CCSER1: variants seen among roughly 807,000 people sequenced by gnomAD.
CCSER1 encodes serine-rich coiled-coil domain-containing protein 1.
A neutral mutation model predicts 82.0 loss-of-function variants in CCSER1; 41 were observed. That is an observed-to-expected ratio of 0.50 (90% CI 0.39 to 0.65). CCSER1 has a LOEUF of 0.65. Ranked by LOEUF, CCSER1 falls within the 30% of genes least tolerant of loss-of-function variation. The pLI is 0.00. For synonymous variants in CCSER1, 414 were observed against 383.9 expected, an observed-to-expected ratio of 1.08 and a Z score of -0.92; for missense variants, 1,119 against 1,064.2, an observed-to-expected ratio of 1.05 and a Z score of -0.72.
intron 9 of CCSER1, among the ~76,000 whole-genome samples, chr4:91,080,004 T>A (rs964319055): frequency 6.6e-5 from 10 of 152,182 alleles, no homozygotes; most frequent in African/African-American, 2.2e-4. Context: ...ATTAGACAGA[T>A]CAACAAGACA....
chr4:90,689,673 T>C (rs960469173), intron 6 of CCSER1, among the ~76,000 whole-genome samples: 1 of 151,934 alleles, frequency 6.6e-6, no homozygotes, highest in Non-Finnish European at 1.5e-5. Flanking sequence ...AAGTGACTTA[T>C]TAAGTAAGTG....
intron 6 of CCSER1, among the ~76,000 whole-genome samples, chr4:90,719,609 G>C (rs1430705847): frequency 6.6e-6 from 1 of 152,008 alleles, no homozygotes; most frequent in Non-Finnish European, 1.5e-5. Flanking sequence ...CACTGATTAG[G>C]TTTTTGCAGA....
chr4:91,330,703 G>A (rs1485673991), intron 10 of CCSER1, among the ~76,000 whole-genome samples: 1 of 152,106 alleles, frequency 6.6e-6, no homozygotes, highest in African/African-American at 2.4e-5. Context: ...AGAAGTAGTG[G>A]CTCAGCTTTT....
At chr4:90,529,955 T>A (rs905570729) in intron 5 of CCSER1, among the ~76,000 whole-genome samples, 77 of 139,596 alleles carry the variant, frequency 5.5e-4, no homozygotes, top group African/African-American at 1.8e-3. Context: ...ATATATATTT[T>A]TTTTTTCTCT....
At chr4:90,993,585 A>G (rs2150453819) in intron 9 of CCSER1, among the ~76,000 whole-genome samples, 1 of 152,212 alleles carries the variant, frequency 6.6e-6, no homozygotes, top group East Asian at 1.9e-4. Context: ...TTAAACAACA[A>G]ACATTTAATT....
Position 91,346,407 on chromosome 4 carries a change from C to T in CCSER1, c.2218-252165C>T, listed in dbSNP as rs78391191. ...TATTCAAGGGTATCTTGGATGGTTC[C>T]GAATTATGGCAATTGTGATTAAAAC... On this transcript the variant is annotated intron_variant, in intron 10 of 10. Transcript: ENST00000509176. Among the ~76,000 whole-genome samples the T allele has an allele frequency of 7.8e-3, 1,181 of 152,094 alleles. 43 individuals are homozygous for T. The highest frequency in any genetic ancestry group is 0.064 in the Admixed American group (974 of 15,270).
At chr4:91,520,552 G>A (rs1021170454) in intron 10 of CCSER1, among the ~76,000 whole-genome samples, 21 of 152,064 alleles carry the variant, frequency 1.4e-4, no homozygotes, top group African/African-American at 5.1e-4. Flanking sequence ...AAAAGAAAAG[G>A]TTTTAAGCAA....
At chr4:90,210,222 G>A (rs1217135740) in intron 1 of CCSER1, among the ~76,000 whole-genome samples, 1 of 152,106 alleles carries the variant, frequency 6.6e-6, no homozygotes, top group Non-Finnish European at 1.5e-5. Context: ...GCAAGTGGTT[G>A]TTGCTATGAT....
chr4:90,369,432 G>T (rs1378090625), intron 3 of CCSER1, among the ~76,000 whole-genome samples: 1 of 128,152 alleles, frequency 7.8e-6, no homozygotes, highest in African/African-American at 3.2e-5. Context: ...GGAGCACAGA[G>T]GTATAAAAAA....
chr4:91,054,340 T>G (rs898541689), intron 9 of CCSER1, among the ~76,000 whole-genome samples: 4 of 152,174 alleles, frequency 2.6e-5, no homozygotes, highest in African/African-American at 7.2e-5. Flanking sequence ...TTTTGTTAAA[T>G]CAACATCTTT....
chr4:90,208,874 C>T (rs753696395), intron 1 of CCSER1, among the ~76,000 whole-genome samples: 36 of 152,170 alleles, frequency 2.4e-4, no homozygotes, highest in Non-Finnish European at 8.8e-5. Flanking sequence ...CCAGGTACTT[C>T]AGGTGGAAAT....
chr4:90,557,329 G>A (rs868394281), intron 5 of CCSER1, among the ~76,000 whole-genome samples: 1 of 152,142 alleles, frequency 6.6e-6, no homozygotes, highest in Middle Eastern at 3.4e-3. Flanking sequence ...GTAAATATCA[G>A]CAGTCTTTGG....
At chr4:91,584,142 C>T (rs1268738161) in intron 10 of CCSER1, among the ~76,000 whole-genome samples, 1 of 151,474 alleles carries the variant, frequency 6.6e-6, no homozygotes, top group Non-Finnish European at 1.5e-5. Context: ...CAACAAATAA[C>T]TACTAAATGC....
intron 4 of CCSER1, among the ~76,000 whole-genome samples, chr4:90,448,930 G>C (rs536445006): frequency 1.3e-5 from 2 of 152,236 alleles, no homozygotes; most frequent in East Asian, 1.9e-4. Flanking sequence ...GGAAGAATGA[G>C]GTATGCAGAC....
intron 1 of CCSER1, among the ~76,000 whole-genome samples, chr4:90,139,705 C>A (rs182009192): frequency 6.6e-6 from 1 of 152,084 alleles, no homozygotes; most frequent in Non-Finnish European, 1.5e-5. Context: ...GTAATCCTAG[C>A]ACTTTGGAAG....
chr4:91,514,363 C>T (rs1759986697), intron 10 of CCSER1, among the ~76,000 whole-genome samples: 1 of 151,984 alleles, frequency 6.6e-6, no homozygotes, highest in Admixed American at 6.6e-5. Context: ...GAGACTTGCT[C>T]TATGGTTATG....
chr4:90,489,087 G>T (rs987601695), intron 5 of CCSER1, among the ~76,000 whole-genome samples: 2 of 152,110 alleles, frequency 1.3e-5, no homozygotes, highest in African/African-American at 4.8e-5. Flanking sequence ...AATACTATGG[G>T]TAGACAGTTT....
At chr4:91,209,253 ATT>A (rs1736598459) in intron 10 of CCSER1, among the ~76,000 whole-genome samples, 1 of 151,846 alleles carries the variant, frequency 6.6e-6, no homozygotes, top group Non-Finnish European at 1.5e-5. Flanking sequence ...TACTACATTG[ATT>A]AGGAGTGGTG....
intron 5 of CCSER1, among the ~76,000 whole-genome samples, chr4:90,471,820 C>CA (rs1288717152): frequency 6.6e-6 from 1 of 151,826 alleles, no homozygotes; most frequent in African/African-American, 2.4e-5. Context: ...ACTAAAAATA[C>CA]AAAAAAATTA....
Sources: allele counts gnomAD v4.1 joint callset (sites outside exome capture counted in the v4.1 genomes callset), GRCh38; gene constraint gnomAD v4.1.1; transcripts MANE v1.5; gene names NCBI Gene and HGNC (gene_info 2026-07-23, HGNC 2026-07-21).